The following DPCD variants were observed in gnomAD, a reference collection of about 807,000 sequenced individuals.
The protein encoded by DPCD is deleted in primary ciliary dyskinesia homolog (mouse).
Under a neutral mutation model 26.4 loss-of-function variants are expected in DPCD, and 20 were observed. The observed-to-expected ratio is 0.76, with a 90% confidence interval of 0.53 to 1.10. DPCD has a LOEUF of 1.10. Ranked by LOEUF, DPCD falls within the 50% of genes least tolerant of loss-of-function variation. The pLI, the probability that DPCD is intolerant of heterozygous loss-of-function variation, is 0.00. For synonymous variants in DPCD, 97 were observed against 94.2 expected, an observed-to-expected ratio of 1.03 and a Z score of -0.17; for missense variants, 202 against 253.9, an observed-to-expected ratio of 0.80 and a Z score of 1.39.
intron 1 of DPCD, 74 bp from the exon 2 acceptor site, chr10:101,594,584 G>C: frequency 6.7e-7 from 1 of 1,494,128 alleles, no homozygotes; most frequent in Non-Finnish European, 9.3e-7. Flanking sequence ...CTGTTTCCCA[G>C]GTAGGCCCCT....
At chr10:101,609,011 A>G (rs927654575) in intron 5 of DPCD, 74 bp downstream of exon 5, 17 of 1,245,440 alleles carry the variant, frequency 1.4e-5, no homozygotes, top group South Asian at 2.4e-5. Context: ...TTCCCATCCC[A>G]TAAGAGTCCT....
In DPCD at chr10:101,594,722, G is replaced by A. The variant is rs1335877582; in HGVS notation, c.129G>A (p.Lys43=). 6.2e-7 allele frequency: 1 copy of A among 1,614,196 alleles called. No homozygotes were observed. Among genetic ancestry groups the A allele is most frequent in the Non-Finnish European group, 8.5e-7 (1 of 1,180,008 alleles). ...GKEMAEEYDE[K]TSELLVRKWR... ...AAATGGCTGAAGAATATGACGAGAA[G>A]ACGAGTGAACTACTTGGTAAGTGAC... Residue 43 remains lysine (K), a synonymous_variant, in exon 2 of 6, where the codon AAG becomes AAA. Transcript: ENST00000370151.
chr10:101,596,892 A>C (rs2063655615), intron 2 of DPCD, among the ~76,000 whole-genome samples: 1 of 152,236 alleles, frequency 6.6e-6, no homozygotes, highest in African/African-American at 2.4e-5. Flanking sequence ...TTTCTGTTAG[A>C]AAAATTCAAA....
At chr10:101,594,171 G>T (rs759517525) in intron 1 of DPCD, among the ~76,000 whole-genome samples, 1 of 100,896 alleles carries the variant, frequency 9.9e-6, no homozygotes, top group Admixed American at 9.4e-5. Flanking sequence ...TCAATGTCCT[G>T]AACACATAGA....
chr10:101,604,918 A>T (rs746326144), intron 4 of DPCD, among the ~76,000 whole-genome samples: 1 of 152,234 alleles, frequency 6.6e-6, no homozygotes, highest in Non-Finnish European at 1.5e-5. Flanking sequence ...CGGTGATAGT[A>T]ACACTGTGGG....
chr10:101,606,319 C>T (rs2063732620), intron 4 of DPCD, among the ~76,000 whole-genome samples: 1 of 152,142 alleles, frequency 6.6e-6, no homozygotes, highest in African/African-American at 2.4e-5. Flanking sequence ...TGCTACCACG[C>T]CTGGCTAAGT....
At position 101,588,374 on chromosome 10, in the gene DPCD, C is replaced by T. The variant is rs200825850; in HGVS notation, c.38C>T (p.Ala13Val). The change falls in exon 1 of 6, where the codon GCC (alanine) becomes GTC (valine). Residue 13 changes from alanine to valine, a missense_variant. By Grantham distance (64) the Ala-to-Val change is moderately conservative. Coordinates refer to ENST00000370151, the MANE Select transcript of DPCD (RefSeq NM_015448.3). ...GGCTGGTTGGAGAGTCTGCGGACAG[C>T]CCAGAAGACTGCGCTGCTGCAGGAC... ...VTGWLESLRT[A>V]QKTALLQDGR... The T allele has an allele frequency of 7.2e-5, 115 of 1,600,022 alleles. 1 individual carries two copies. The African/African-American group carries it at 1.1e-3, about 15-fold the overall frequency.
chr10:101,608,452 G>A (rs1245017620), intron 4 of DPCD, among the ~76,000 whole-genome samples: 4 of 152,168 alleles, frequency 2.6e-5, no homozygotes, highest in South Asian at 2.1e-4. Flanking sequence ...GTTAGAACAC[G>A]TCCCATTTTT....
At chr10:101,607,080 A>C (rs3915773) in intron 4 of DPCD, among the ~76,000 whole-genome samples, 28,894 of 152,136 alleles carry the variant, frequency 0.19, 3,533 homozygotes, top group Non-Finnish European at 0.27. Flanking sequence ...TGTTGTGGCC[A>C]AGCCCTGGGA....
At chr10:101,590,286 G>T (rs1259924199) in intron 1 of DPCD, among the ~76,000 whole-genome samples, 1 of 152,068 alleles carries the variant, frequency 6.6e-6, no homozygotes, top group Non-Finnish European at 1.5e-5. Flanking sequence ...CAGGATGGAA[G>T]CGAGAATAAA....
intron 1 of DPCD, among the ~76,000 whole-genome samples, chr10:101,593,354 G>A (rs2063626016): frequency 6.6e-6 from 1 of 152,178 alleles, no homozygotes; most frequent in African/African-American, 2.4e-5. Context: ...AATGGCTCAA[G>A]GGAACTGTAT....
At position 101,601,286 on chromosome 10, in the gene DPCD, CT is replaced by C. The variant is rs1198081783; in HGVS notation, c.355del (p.Ser119LeufsTer27). On this transcript the variant is annotated frameshift_variant, in exon 4 of 6. Coordinates refer to ENST00000370151, the MANE Select transcript of DPCD (RefSeq NM_015448.3). LOFTEE classifies it high-confidence loss of function. Reference sequence around the variant, plus strand: ...CCTATCCTAAGGATGTCTATAGTGTCTCTGTGGACCAGAAGGAGCGCTGCAT... The same window carrying C: ...CCTATCCTAAGGATGTCTATAGTGTCCTGTGGACCAGAAGGAGCGCTGCAT... ...LPYPKDVYSV[S>X]VDQKERCIIV... 1 of 1,613,744 alleles carries C rather than the reference CT, an allele frequency of 6.2e-7. No individual in the cohort carries two copies. The highest frequency in any genetic ancestry group is 1.3e-5 in the African/African-American group (1 of 74,866).
chr10:101,597,703 T>C (rs2063664118), intron 2 of DPCD, among the ~76,000 whole-genome samples: 3 of 152,228 alleles, frequency 2.0e-5, no homozygotes. Context: ...GGAAGCTGCC[T>C]CACACCAGTT....
chr10:101,602,788 G>A (rs190485561), intron 4 of DPCD, among the ~76,000 whole-genome samples: 7 of 152,366 alleles, frequency 4.6e-5, no homozygotes, highest in Middle Eastern at 6.8e-3. Context: ...CTGCAGCCCA[G>A]CACTTTGTGA....
chr10:101,609,288 G>A (rs1465842359), intron 5 of DPCD, 79 bp from the exon 6 acceptor site: 17 of 1,367,622 alleles, frequency 1.2e-5, no homozygotes, highest in Non-Finnish European at 1.7e-5. Context: ...GGGATCAGAA[G>A]GAGAAGGGGC....
intron 4 of DPCD, among the ~76,000 whole-genome samples, chr10:101,606,266 A>T (rs1352619087): frequency 1.3e-5 from 2 of 151,546 alleles, no homozygotes; most frequent in African/African-American, 4.9e-5. Context: ...GGTTCAAGTG[A>T]CTCTCCTGCC....
chr10:101,595,362 AG>A (rs1283548283), intron 2 of DPCD, among the ~76,000 whole-genome samples: 1 of 152,178 alleles, frequency 6.6e-6, no homozygotes, highest in Non-Finnish European at 1.5e-5. Context: ...CTCTGTTCCC[AG>A]GTGTGCACAT....
intron 1 of DPCD, among the ~76,000 whole-genome samples, chr10:101,594,222 T>C (rs1055556936): frequency 2.7e-5 from 4 of 146,694 alleles, no homozygotes; most frequent in Non-Finnish European, 6.1e-5. Flanking sequence ...CAAATGCTTT[T>C]AAAAGTATCA....
chr10:101,591,295 T>C (rs1425249600), intron 1 of DPCD, among the ~76,000 whole-genome samples: 2 of 152,232 alleles, frequency 1.3e-5, no homozygotes, highest in African/African-American at 4.8e-5. Flanking sequence ...TATACAAATA[T>C]CCACTTGAGT....
Sources: gnomAD v4.1 joint callset for allele counts (sites outside exome capture counted in the v4.1 genomes callset) on GRCh38, gnomAD v4.1.1 for gene constraint, MANE v1.5 for transcripts, NCBI Gene and HGNC (gene_info 2026-07-23, HGNC 2026-07-21) for gene names.